The following VPS13C variants were observed in gnomAD, a reference collection of about 807,000 sequenced individuals.
VPS13C encodes the protein intermembrane lipid transfer protein VPS13C.
Under a neutral mutation model 456.8 loss-of-function variants are expected in VPS13C, and 358 were observed. The observed-to-expected ratio is 0.78, with a 90% CI of 0.72 to 0.86. The LOEUF (loss-of-function observed/expected upper bound fraction) is 0.86. Ranked by LOEUF, VPS13C falls within the 40% of genes least tolerant of loss-of-function variation. VPS13C has a pLI of 0.00. For synonymous variants in VPS13C, 1,578 were observed against 1,486.7 expected (o/e 1.06, Z -1.41); for missense variants, 4,818 against 4,385.4 (o/e 1.10, Z -2.79).
intron 69 of VPS13C, among the ~76,000 whole-genome samples, chr15:61,882,227 A>G (rs975648393): frequency 6.6e-6 from 1 of 152,162 alleles, no homozygotes; most frequent in Non-Finnish European, 1.5e-5. Flanking sequence ...GAAGGAAGGG[A>G]GGGATGCTGG....
Position 61,873,316 on chromosome 15 carries a change from C to T in VPS13C, c.10508G>A (p.Arg3503Lys), listed in dbSNP as rs1248044969. The change falls in exon 78 of 85, where the codon AGA (arginine) becomes AAA (lysine). Residue 3503 changes from arginine (R) to lysine (K), a missense_variant. Around this residue, in one of 3 missense-constraint regions of VPS13C, gnomAD observed 4,552 missense variants for 4,130.6 expected, o/e 1.10. Transcript: ENST00000644861. ...TMDKEYQQKR[R>K]EELSRQPRDF... is the part of the protein sequence containing the mutation. ...TCTGGGCTGTCGACTCAACTCTTCT[C>T]TTCTTTTTTGCTGATATTCCTTGTC... 3.1e-6 allele frequency: 5 copies of T among 1,613,776 alleles called. No homozygotes were observed. The Admixed American group carries it at 5.0e-5, about 16-fold the overall frequency.
chr15:62,020,093 TGC>T (rs2047404707), intron 9 of VPS13C, among the ~76,000 whole-genome samples: 1 of 149,010 alleles, frequency 6.7e-6, no homozygotes, highest in African/African-American at 2.6e-5. Flanking sequence ...GAGATGAGTG[TGC>T]GCACACACAC....
chr15:61,910,344 C>A, intron 63 of VPS13C, 39 bp from the exon 64 acceptor site: 10 of 1,360,984 alleles, frequency 7.3e-6, no homozygotes, highest in Non-Finnish European at 9.6e-6. Context: ...TAAGACAATA[C>A]CGTTATATAA....
rs142801465 is a variant in VPS13C, at chr15:61,927,313, A to G, written c.6294T>C (p.Ser2098=). The G allele has an allele frequency of 8.9e-5, 143 of 1,613,328 alleles. No individual in the cohort carries two copies. The African/African-American group carries it at 1.6e-3, about 18-fold the overall frequency. ...TGKVKIEKDD[S]VRPNMTLKAM... ...CCTTTAAAGTCATATTTGGTCTAAC[A>G]GAGTCATCTGAAGAAACAAGCAACA... is the stretch of plus-strand genomic sequence containing the variant. The change falls in exon 52 of 85, where the codon TCT becomes TCC. Residue 2098 remains serine (S), a synonymous_variant. Coordinates refer to ENST00000644861, the MANE Select transcript of VPS13C (RefSeq NM_020821.3).
chr15:61,957,052 G>A (rs1041968218), intron 37 of VPS13C, among the ~76,000 whole-genome samples: 2 of 152,040 alleles, frequency 1.3e-5, no homozygotes, highest in Non-Finnish European at 2.9e-5. Flanking sequence ...GAAACAACCT[G>A]AATGTCCATC....
chr15:62,012,629 C>T (rs915190964), intron 11 of VPS13C, among the ~76,000 whole-genome samples: 1 of 151,824 alleles, frequency 6.6e-6, no homozygotes, highest in African/African-American at 2.4e-5. Context: ...AATTAATCTT[C>T]TACTATTCAG....
chr15:61,910,001 T>C (rs2043258082), intron 64 of VPS13C, among the ~76,000 whole-genome samples, 176 bp downstream of exon 64: 1 of 145,718 alleles, frequency 6.9e-6, no homozygotes, highest in Non-Finnish European at 1.5e-5. Flanking sequence ...GGGGGAGGAA[T>C]AGCATTAAGA....
rs1341019581 is a variant in VPS13C, at chr15:61,981,412, A to G, written c.2096T>C (p.Leu699Pro). ...GTGGAAACCCGTCTGTGGAACTACT[A>G]GATAAGAAGGCTTCAGATTTATCCT... Reference protein sequence around the residue: ...DLRINLKPSYLVVPQTGFHHE... With the variant: ...DLRINLKPSYPVVPQTGFHHE... Residue 699 changes from leucine to proline, a missense_variant, in exon 22 of 85, where the codon CTA (leucine) becomes CCA (proline). Leu to Pro is a moderately conservative substitution (Grantham distance 98). Coordinates refer to ENST00000644861, the MANE Select transcript of VPS13C (RefSeq NM_020821.3). 1 of 1,613,030 alleles carries G rather than the reference A, an allele frequency of 6.2e-7. No individual in the cohort carries two copies. The highest frequency in any genetic ancestry group is 8.5e-7 in the Non-Finnish European group (1 of 1,179,692).
At chr15:61,931,065 T>C (rs764982030) in intron 50 of VPS13C, 25 bp downstream of exon 50, 2 of 1,613,072 alleles carry the variant, frequency 1.2e-6, no homozygotes, top group East Asian at 2.2e-5. Flanking sequence ...TTAAATAATG[T>C]ATTGCAAACT....
At chr15:62,019,195 C>G (rs999633611) in intron 9 of VPS13C, among the ~76,000 whole-genome samples, 6 of 152,110 alleles carry the variant, frequency 3.9e-5, no homozygotes, top group Non-Finnish European at 7.4e-5. Flanking sequence ...CTTTACTAGT[C>G]TTACTAGCAG....
intron 24 of VPS13C, among the ~76,000 whole-genome samples, chr15:61,975,982 T>C (rs961662206): frequency 2.0e-5 from 3 of 152,098 alleles, no homozygotes; most frequent in African/African-American, 7.2e-5. Context: ...AGTCTAAACA[T>C]GAAACTGATT....
chr15:61,934,270 G>A lies in VPS13C; in HGVS notation c.5817C>T (p.Asp1939=), dbSNP rs1320824220. Residue 1939 remains aspartate (D), a synonymous_variant, in exon 49 of 85, where the codon GAC becomes GAT. Coordinates refer to ENST00000644861, the MANE Select transcript of VPS13C (RefSeq NM_020821.3). ...TAATGGAAAGAGATTCAAAGTGAAA[G>A]TCAAATTGGAGACTGACAATCTGGT... ...SMNQIVSLQF[D]FHFESLSIIL... is the part of the protein sequence containing the mutation. 1 of 1,598,550 alleles carries A rather than the reference G, an allele frequency of 6.3e-7. No individual in the cohort carries two copies. The highest frequency in any genetic ancestry group is 1.7e-5 in the Admixed American group (1 of 58,860).
intron 66 of VPS13C, among the ~76,000 whole-genome samples, chr15:61,898,627 G>A (rs1031804188): frequency 6.7e-6 from 1 of 148,150 alleles, no homozygotes; most frequent in Non-Finnish European, 1.5e-5. Flanking sequence ...CCTACAAAGA[G>A]ACTTAGACTC....
At chr15:62,001,440 T>C (rs2140461876) in intron 15 of VPS13C, among the ~76,000 whole-genome samples, 1 of 152,364 alleles carries the variant, frequency 6.6e-6, no homozygotes, top group African/African-American at 2.4e-5. Context: ...ACTGAAATCA[T>C]AAGACATTAA....
rs1201619555 is a variant in VPS13C, at chr15:62,035,037, T to C, written c.203A>G (p.Lys68Arg). ...KAGQIDKLTL[K>R]IPWKNLYGEA... ...TCCATAAAGGTTCTTCCAAGGAATC[T>C]TCAAAGTTAATTTATCTAAGGAAAC... The change falls in exon 4 of 85, where the codon AAG becomes AGG. Residue 68 changes from lysine to arginine, a missense_variant. Lys to Arg is a conservative substitution (Grantham distance 26, BLOSUM62 2). This residue lies in a region of VPS13C where 4,552 missense variants were observed against 4,130.6 expected (regional missense o/e 1.10). Coordinates refer to ENST00000644861, the MANE Select transcript of VPS13C (RefSeq NM_020821.3). 5 of 1,606,126 alleles carry C rather than the reference T, an allele frequency of 3.1e-6. No homozygotes were observed. Among genetic ancestry groups the C allele is most frequent in the Non-Finnish European group, 4.3e-6 (5 of 1,175,150 alleles).
At chr15:62,040,728 T>A (rs2048214313) in intron 3 of VPS13C, among the ~76,000 whole-genome samples, 1 of 151,974 alleles carries the variant, frequency 6.6e-6, no homozygotes, top group Non-Finnish European at 1.5e-5. Context: ...ATAAATTAAA[T>A]AAATAAATAA....
At chr15:61,957,731 C>A (rs2045054498) in intron 37 of VPS13C, among the ~76,000 whole-genome samples, 1 of 151,858 alleles carries the variant, frequency 6.6e-6, no homozygotes, top group Non-Finnish European at 1.5e-5. Flanking sequence ...AATATACATA[C>A]TTGTAAAAGT....
chr15:62,059,658 G>A (rs182287175), intron 1 of VPS13C, among the ~76,000 whole-genome samples: 3 of 152,082 alleles, frequency 2.0e-5, no homozygotes, highest in Admixed American at 6.5e-5. Context: ...TCGTATTGAC[G>A]GAAAAGTAAA....
chr15:61,994,217 C>T (rs181805557), intron 16 of VPS13C, among the ~76,000 whole-genome samples: 1 of 152,264 alleles, frequency 6.6e-6, no homozygotes, highest in East Asian at 1.9e-4. Context: ...TCTTCTACAT[C>T]CATCCTTCTT....
Sources: gnomAD v4.1 joint callset for allele counts (sites outside exome capture counted in the v4.1 genomes callset) on GRCh38, gnomAD v4.1.1 for gene constraint, gnomAD v4.1.1 regional missense constraint, MANE v1.5 for transcripts, NCBI Gene and HGNC (gene_info 2026-07-23, HGNC 2026-07-21) for gene names.